The following GRM1 variants were observed in gnomAD, a reference collection of about 807,000 sequenced individuals.
GRM1 encodes glutamate metabotropic receptor 1.
Under a neutral mutation model 90.9 loss-of-function variants are expected in GRM1, and 33 were observed. The observed-to-expected ratio is 0.36, with a 90% confidence interval of 0.28 to 0.49. GRM1 has a LOEUF of 0.49. Ranked by LOEUF, GRM1 falls within the 20% of genes least tolerant of loss-of-function variation. The pLI, the probability that GRM1 is intolerant of heterozygous loss-of-function variation, is 0.99. For synonymous variants in GRM1, 700 were observed against 613.2 expected, an observed-to-expected ratio of 1.14 and a Z score of -2.09; for missense variants, 1,190 against 1,534.3, an observed-to-expected ratio of 0.78 and a Z score of 3.75.
chr6:146,228,205 C>T (rs914006561), intron 2 of GRM1, among the ~76,000 whole-genome samples: 3 of 152,116 alleles, frequency 2.0e-5, no homozygotes, highest in African/African-American at 7.2e-5. Flanking sequence ...TGTTTTCTTT[C>T]GCTGTAACAA....
chr6:146,143,227 C>T (rs959284274), intron 1 of GRM1, among the ~76,000 whole-genome samples: 2 of 152,198 alleles, frequency 1.3e-5, no homozygotes, highest in African/African-American at 2.4e-5. Flanking sequence ...GGAAACTTTT[C>T]TTCCATACCC....
chr6:146,050,348 C>T (rs900033279), intron 1 of GRM1, among the ~76,000 whole-genome samples: 1 of 151,936 alleles, frequency 6.6e-6, no homozygotes, highest in African/African-American at 2.4e-5. Context: ...AAAGCTTGCT[C>T]CTGTTTGGCT....
intron 5 of GRM1, among the ~76,000 whole-genome samples, chr6:146,379,637 A>G (rs1294642368): frequency 6.6e-6 from 1 of 152,110 alleles, no homozygotes; most frequent in Admixed American, 6.5e-5. Flanking sequence ...ATGCTAGTAC[A>G]TGCTCTTTGG....
intron 2 of GRM1, among the ~76,000 whole-genome samples, chr6:146,294,378 A>C (rs1352658876): frequency 1.3e-5 from 2 of 151,968 alleles, no homozygotes; most frequent in East Asian, 3.8e-4. Context: ...AAGTAGTTGG[A>C]GGTAGATGTG....
At chr6:146,089,660 C>T (rs1483560871) in intron 1 of GRM1, among the ~76,000 whole-genome samples, 1 of 152,066 alleles carries the variant, frequency 6.6e-6, no homozygotes, top group Non-Finnish European at 1.5e-5. Flanking sequence ...AGTGTGGTTA[C>T]TGCATGTTCT....
rs573491920 is a variant in GRM1, at chr6:146,321,365, G to T, written c.1186+16519G>T. On this transcript the variant is annotated intron_variant, in intron 3 of 7. Coordinates refer to ENST00000282753, the MANE Select transcript of GRM1 (RefSeq NM_001278064.2). ...TTTTGATTTCTGTACTTTTGCATTT[G>T]CTGAGGACTATTTTACTTCCAATTA... is the stretch of plus-strand genomic sequence containing the variant. 2.0e-5 allele frequency among the ~76,000 whole-genome samples: 3 copies of T among 152,276 alleles called. No homozygotes were observed. The South Asian group carries it at 6.2e-4, about 32-fold the overall frequency.
chr6:146,174,978 G>T (rs749349427), intron 2 of GRM1, among the ~76,000 whole-genome samples: 4 of 152,178 alleles, frequency 2.6e-5, no homozygotes, highest in African/African-American at 4.8e-5. Context: ...TCCCTGAGGT[G>T]GGGGGCGGAT....
At chr6:146,362,664 CAA>C (rs11432508) in intron 5 of GRM1, among the ~76,000 whole-genome samples, 20,585 of 86,280 alleles carry the variant, frequency 0.24, 1,914 homozygotes, top group East Asian at 0.38. Flanking sequence ...GACTCCATCT[CAA>C]AAAAAAAAAA....
chr6:146,435,697 G>T lies in GRM1; in HGVS notation c.*901G>T, dbSNP rs989725980. On this transcript the variant is annotated 3_prime_UTR_variant, in exon 8 of 8. Coordinates refer to ENST00000282753, the MANE Select transcript of GRM1 (RefSeq NM_001278064.2). ...ATTTGGGGAAAAGGCCGGAACAAGA[G>T]ATTGTTACGAGAGTGGCAGAAACCC... The T allele has an allele frequency of 6.6e-6, 1 of 152,618 alleles. No homozygotes were observed. The highest frequency in any genetic ancestry group is 1.5e-5 in the Non-Finnish European group (1 of 68,042). 9.5% of individuals were successfully genotyped at this position (152,618 alleles called of 1,614,324 possible). A position where few individuals can be genotyped will look rare whatever the true frequency, so the allele number is the denominator to read the frequency against.
At chr6:146,189,220 C>T (rs1463555919) in intron 2 of GRM1, among the ~76,000 whole-genome samples, 1 of 152,128 alleles carries the variant, frequency 6.6e-6, no homozygotes. Context: ...TCCTCTTAAG[C>T]CTTAAGATCC....
intron 1 of GRM1, among the ~76,000 whole-genome samples, chr6:146,132,311 G>T (rs1344933827): frequency 3.9e-5 from 6 of 152,104 alleles, no homozygotes; most frequent in African/African-American, 1.2e-4. Flanking sequence ...TGAAGGATAT[G>T]GCAATAGTCA....
Position 146,159,288 on chromosome 6 carries a change from T to C in GRM1, c.701-60T>C, listed in dbSNP as rs1777626234. 5.0e-6 allele frequency: 8 copies of C among 1,605,726 alleles called. No homozygotes were observed. The Admixed American group carries it at 1.3e-4, about 27-fold the overall frequency. The stretch of plus-strand genomic sequence containing the variant: ...CTGTGACTAACAAGTTGTTATTCCA[T>C]TGTGTAAGTAGTGTTATTGCCACAG... On this transcript the variant is annotated intron_variant, in intron 1 of 7. Transcript: ENST00000282753.
At chr6:146,369,013 C>G (rs1023940471) in intron 5 of GRM1, among the ~76,000 whole-genome samples, 48 of 151,920 alleles carry the variant, frequency 3.2e-4, no homozygotes, top group African/African-American at 1.1e-3. Flanking sequence ...ATTACTGATT[C>G]AATCATTTTA....
intron 3 of GRM1, among the ~76,000 whole-genome samples, chr6:146,311,657 G>T (rs1395776919): frequency 2.0e-5 from 3 of 152,080 alleles, no homozygotes; most frequent in Admixed American, 1.3e-4. Flanking sequence ...ACTAGCCACA[G>T]TTCATGTATC....
chr6:146,398,335 A>G (rs1210705548), intron 6 of GRM1, among the ~76,000 whole-genome samples: 1 of 152,240 alleles, frequency 6.6e-6, no homozygotes, highest in African/African-American at 2.4e-5. Context: ...GGACTTGCCT[A>G]CAGACAATGG....
Position 146,030,231 on chromosome 6 carries a change from T to G in GRM1, c.700+14T>G, listed in dbSNP as rs1349220713. ...TCCACACGGAAGGTAGGCATTATATTTGGGAAAGAAGGGTACTGAGAAAGT... is the reference window on the plus strand; with the variant it reads ...TCCACACGGAAGGTAGGCATTATATGTGGGAAAGAAGGGTACTGAGAAAGT... On this transcript the variant is annotated intron_variant, in intron 1 of 7. Transcript: ENST00000282753. 1.9e-6 allele frequency: 3 copies of G among 1,572,126 alleles called. No individual in the cohort carries two copies. Among genetic ancestry groups the G allele is most frequent in the Admixed American group, 1.7e-5 (1 of 59,984 alleles).
intron 1 of GRM1, among the ~76,000 whole-genome samples, chr6:146,065,472 C>A (rs1190793302): frequency 6.6e-6 from 1 of 152,172 alleles, no homozygotes; most frequent in Non-Finnish European, 1.5e-5. Flanking sequence ...AGATAATAAT[C>A]ATACTTATCT....
In GRM1 at chr6:146,331,904, T is replaced by A. The variant is rs533834859; in HGVS notation, c.1187-20346T>A. Among the ~76,000 whole-genome samples the A allele has an allele frequency of 2.6e-5, 4 of 152,204 alleles. No individual in the cohort carries two copies. The South Asian group carries it at 8.3e-4, about 32-fold the overall frequency. On this transcript the variant is annotated intron_variant, in intron 3 of 7. Coordinates refer to ENST00000282753, the MANE Select transcript of GRM1 (RefSeq NM_001278064.2). Reference sequence around the variant, plus strand: ...AGGTCAACTCATTGGTTGAAAAAAATTGGCCTTCGGAGTGAAACTATCATG... The same window carrying A: ...AGGTCAACTCATTGGTTGAAAAAAAATGGCCTTCGGAGTGAAACTATCATG...
chr6:146,231,238 GAAGCT>G (rs1163688004), intron 2 of GRM1, among the ~76,000 whole-genome samples: 1 of 152,096 alleles, frequency 6.6e-6, no homozygotes, highest in Non-Finnish European at 1.5e-5. Context: ...AATAATGGAG[GAAGCT>G]AAGCACACGT....
Sources: allele counts gnomAD v4.1 joint callset (sites outside exome capture counted in the v4.1 genomes callset), GRCh38; gene constraint gnomAD v4.1.1; transcripts MANE v1.5; gene names NCBI Gene and HGNC (gene_info 2026-07-23, HGNC 2026-07-21).